The following VWA8 variants were observed in gnomAD, a reference collection of about 807,000 sequenced individuals.
The protein encoded by VWA8 is von Willebrand factor A domain-containing protein 8.
Under a neutral mutation model 241.5 loss-of-function variants are expected in VWA8, and 221 were observed. That is an observed-to-expected ratio of 0.91 (90% CI 0.82 to 1.02). The LOEUF is 1.02. Among genes scored for constraint, VWA8 ranks in the 50% least tolerant of loss-of-function variants. VWA8 has a pLI of 0.00. For synonymous variants in VWA8, 852 were observed against 827.1 expected (o/e 1.03, Z -0.52); for missense variants, 2,322 against 2,328.7 (o/e 1.00, Z 0.06).
At chr13:41,818,151 C>T (rs368212933) in intron 15 of VWA8, among the ~76,000 whole-genome samples, 1 of 151,684 alleles carries the variant, frequency 6.6e-6, no homozygotes, top group Non-Finnish European at 1.5e-5. Context: ...TTAATAGAGA[C>T]GAGGTTTCAC....
At chr13:41,931,714 C>G (rs1325442204) in intron 2 of VWA8, among the ~76,000 whole-genome samples, 1 of 150,322 alleles carries the variant, frequency 6.7e-6, no homozygotes, top group Non-Finnish European at 1.5e-5. Context: ...AAAAAAAAAA[C>G]TAACACATGG....
intron 17 of VWA8, among the ~76,000 whole-genome samples, chr13:41,808,354 A>C (rs1384421657): frequency 1.3e-5 from 2 of 152,194 alleles, no homozygotes; most frequent in Non-Finnish European, 2.9e-5. Flanking sequence ...AGGACACATG[A>C]CGCTGGCATT....
chr13:41,922,174 G>C (rs1876572794), intron 2 of VWA8, among the ~76,000 whole-genome samples: 1 of 152,214 alleles, frequency 6.6e-6, no homozygotes, highest in Non-Finnish European at 1.5e-5. Flanking sequence ...ACAAAAACAA[G>C]AAATGGGGAA....
At chr13:41,597,131 T>A (rs922264912) in intron 40 of VWA8, among the ~76,000 whole-genome samples, 1 of 152,074 alleles carries the variant, frequency 6.6e-6, no homozygotes, top group African/African-American at 2.4e-5. Context: ...CAAGAAATAT[T>A]TGTTGGGTGA....
At chr13:41,897,671 G>C (rs1593853742) in intron 4 of VWA8, among the ~76,000 whole-genome samples, 1 of 152,150 alleles carries the variant, frequency 6.6e-6, no homozygotes, top group Non-Finnish European at 1.5e-5. Flanking sequence ...GTCTGGAGTT[G>C]TTTGTTCCTC....
chr13:41,706,793 T>C, intron 26 of VWA8, among the ~76,000 whole-genome samples: 1 of 152,212 alleles, frequency 6.6e-6, no homozygotes, highest in East Asian at 1.9e-4. Flanking sequence ...CTGATTTGAT[T>C]AAAACAATAA....
At chr13:41,809,151 G>C (rs955553217) in intron 17 of VWA8, among the ~76,000 whole-genome samples, 6 of 152,058 alleles carry the variant, frequency 3.9e-5, no homozygotes, top group African/African-American at 1.4e-4. Flanking sequence ...TTATGGATTG[G>C]AACAATCAAT....
chr13:41,706,964 TG>T lies in VWA8; in HGVS notation c.3117-3554del, dbSNP rs375794324. Among the ~76,000 whole-genome samples, 549 of 152,354 alleles carry T rather than the reference TG, an allele frequency of 3.6e-3. 4 individuals are homozygous for T. The highest frequency in any genetic ancestry group is 0.013 in the African/African-American group (524 of 41,586). ...ATCTGCAATGTCATTCATGAATTTA[TG>T]TTTTTTTAAAACAGTGAAATATTTC... On this transcript the variant is annotated intron_variant, in intron 26 of 44. Coordinates refer to ENST00000379310, the MANE Select transcript of VWA8 (RefSeq NM_015058.2).
At position 41,692,881 on chromosome 13, in the gene VWA8, C is replaced by T. The variant is rs2045187982; in HGVS notation, c.3656G>A (p.Trp1219Ter). The change falls in exon 30 of 45, where the codon TGG becomes TAG. Residue 1219 changes from tryptophan (W) to a stop codon, truncating the protein, a stop_gained. Transcript: ENST00000379310. LOFTEE classifies it high-confidence loss of function. ...SEKFTSKKPF[W>*]WNKEEAETYK... ...TCTTACAGCTTCTTCTTTGTTCCAC[C>T]AGAAAGGTTTCTTAGATGTAAACTT... The T allele has an allele frequency of 1.2e-6, 2 of 1,610,302 alleles. No homozygotes were observed. The highest frequency in any genetic ancestry group is 2.7e-5 in the African/African-American group (2 of 74,602).
chr13:41,927,085 G>A (rs1593875863), intron 2 of VWA8: 1 of 380,684 alleles, frequency 2.6e-6, no homozygotes. Context: ...AAACTAAGCT[G>A]AATAATCCTG....
chr13:41,895,601 T>A (rs1390852475), intron 4 of VWA8, among the ~76,000 whole-genome samples: 1 of 152,116 alleles, frequency 6.6e-6, no homozygotes, highest in African/African-American at 2.4e-5. Flanking sequence ...GTTTTTCAAA[T>A]CATCATCAAC....
intron 2 of VWA8, among the ~76,000 whole-genome samples, chr13:41,936,300 G>A (rs9566882): frequency 1.2e-4 from 18 of 152,156 alleles, no homozygotes; most frequent in East Asian, 1.9e-4. Flanking sequence ...TAGAACACAC[G>A]TTCACATGTT....
At chr13:41,620,716 AATCT>A (rs1475872873) in intron 37 of VWA8, among the ~76,000 whole-genome samples, 2 of 152,312 alleles carry the variant, frequency 1.3e-5, no homozygotes, top group Admixed American at 1.3e-4. Flanking sequence ...GCATCTTCAG[AATCT>A]ATGGCTGGTT....
chr13:41,955,212 A>G (rs1878300478), intron 1 of VWA8, among the ~76,000 whole-genome samples: 1 of 152,230 alleles, frequency 6.6e-6, no homozygotes, highest in Non-Finnish European at 1.5e-5. Context: ...GGGGAATAAG[A>G]ATACTTATAA....
intron 35 of VWA8, among the ~76,000 whole-genome samples, chr13:41,675,500 A>C (rs2045054629): frequency 6.6e-6 from 1 of 152,178 alleles, no homozygotes. Flanking sequence ...TTACTGTCAG[A>C]AAACAACCTA....
intron 32 of VWA8, 129 bp downstream of exon 32, chr13:41,691,191 A>G: frequency 8.6e-7 from 1 of 1,158,676 alleles, no homozygotes; most frequent in South Asian, 2.2e-5. Context: ...TCATATATAG[A>G]GATGCTGCCA....
At chr13:41,605,473 T>C (rs985065430) in intron 39 of VWA8, among the ~76,000 whole-genome samples, 197 bp from the exon 40 acceptor site, 3 of 152,074 alleles carry the variant, frequency 2.0e-5, no homozygotes, top group African/African-American at 7.2e-5. Flanking sequence ...TGCTAGTAAA[T>C]GGTTAACAAA....
intron 16 of VWA8, among the ~76,000 whole-genome samples, chr13:41,815,266 G>T (rs866244188): frequency 1.3e-5 from 2 of 152,184 alleles, no homozygotes; most frequent in African/African-American, 4.8e-5. Flanking sequence ...TAAGTATTTG[G>T]AATGAGGCCC....
At chr13:41,616,497 G>GAA (rs535836142) in intron 37 of VWA8, among the ~76,000 whole-genome samples, 108 of 146,446 alleles carry the variant, frequency 7.4e-4, no homozygotes, top group African/African-American at 2.4e-3. Context: ...AACATTTAGA[G>GAA]AAAAAAAAAA....
Sources: gnomAD v4.1 joint callset for allele counts (sites outside exome capture counted in the v4.1 genomes callset) on GRCh38, gnomAD v4.1.1 for gene constraint, MANE v1.5 for transcripts, NCBI Gene and HGNC (gene_info 2026-07-23, HGNC 2026-07-21) for gene names.